Variants in PRR5 observed in about 807,000 individuals in gnomAD.
The protein encoded by PRR5 is proline-rich protein 5.
PRR5 carries 25 observed loss-of-function variants against 30.6 expected under a neutral mutation model. The ratio of observed to expected loss-of-function variants is 0.82; its 90% CI spans 0.60 to 1.14. PRR5 has a LOEUF of 1.14. Among genes scored for constraint, PRR5 ranks in the 50% most tolerant of loss-of-function variants. The probability of loss-of-function intolerance (pLI) is 0.00; values close to 1 mark genes in which losing one functional copy is unlikely to be tolerated. For missense variants in PRR5, 600 were observed against 547.1 expected (o/e 1.10, Z -0.96); for synonymous variants, 286 against 247.1 (o/e 1.16, Z -1.48).
intron 1 of PRR5, among the ~76,000 whole-genome samples, chr22:44,694,367 A>G (rs1234743015): frequency 1.3e-5 from 2 of 152,120 alleles, no homozygotes; most frequent in African/African-American, 2.4e-5. Flanking sequence ...GTGAAACCCC[A>G]TCTCTACTAA....
intron 2 of PRR5, among the ~76,000 whole-genome samples, chr22:44,718,194 T>C (rs867567917): frequency 2.2e-5 from 3 of 136,400 alleles, no homozygotes; most frequent in African/African-American, 5.6e-5. Flanking sequence ...TCATCTCTCT[T>C]TTTTTTTTTT....
At chr22:44,726,492 T>G in intron 3 of PRR5, 85 bp from the exon 4 acceptor site, 1 of 1,599,310 alleles carries the variant, frequency 6.3e-7, no homozygotes, top group Non-Finnish European at 8.5e-7. Context: ...TGCTCACTGG[T>G]GGATGGACTC....
Position 44,729,414 on chromosome 22 carries a change from A to G in PRR5, c.323-2316A>G, listed in dbSNP as rs1002883429. Reference sequence around the variant, plus strand: ...CAGAGTGGGAGCCAGCACGGAGCCAAGGCTACTGCGGGGCCGCTCGCCTGC... The same window carrying G: ...CAGAGTGGGAGCCAGCACGGAGCCAGGGCTACTGCGGGGCCGCTCGCCTGC... On this transcript the variant is annotated intron_variant, in intron 4 of 7. Transcript: ENST00000336985. 5 of 985,030 alleles carry G rather than the reference A, an allele frequency of 5.1e-6. No homozygotes were observed. The African/African-American group carries it at 8.7e-5, about 17-fold the overall frequency. The allele number at this position is 985,030 out of a possible 1,614,324, so 61.0% of individuals were successfully genotyped here.
chr22:44,735,927 G>T (rs940599091), intron 7 of PRR5, among the ~76,000 whole-genome samples: 2 of 152,248 alleles, frequency 1.3e-5, no homozygotes, highest in South Asian at 2.1e-4. Context: ...CCCAGGCTTG[G>T]TGTAGCCCTG....
intron 1 of PRR5, among the ~76,000 whole-genome samples, chr22:44,711,041 A>G (rs1403436919): frequency 6.6e-6 from 1 of 151,660 alleles, no homozygotes; most frequent in Non-Finnish European, 1.5e-5. Context: ...TTCAGAGTCC[A>G]CAGAGGGAGC....
intron 1 of PRR5, among the ~76,000 whole-genome samples, chr22:44,669,020 G>T (rs1923261946): frequency 1.3e-5 from 2 of 151,650 alleles, no homozygotes; most frequent in African/African-American, 4.8e-5. Context: ...CTGCGGGGCA[G>T]GGGCGGCCCC....
Position 44,726,613 on chromosome 22 carries a change from G to A in PRR5, c.301G>A (p.Asp101Asn), listed in dbSNP as rs1228015353. ...GACAAAAGGCATGGTGATCCTTCGG[G>A]ACAAGATTCGCTTCTATGAGGGTGA... ...LLTKGMVILR[D>N]KIRFYEGQKL... The change falls in exon 4 of 8, where the codon GAC (aspartate) becomes AAC (asparagine). Residue 101 changes from aspartate (D) to asparagine (N), a missense_variant. By Grantham distance (23) the Asp-to-Asn change is conservative. Coordinates refer to ENST00000336985, the MANE Select transcript of PRR5 (RefSeq NM_181333.4). 1 of 1,614,128 alleles carries A rather than the reference G, an allele frequency of 6.2e-7. No individual in the cohort carries two copies. Among genetic ancestry groups the A allele is most frequent in the Non-Finnish European group, 8.5e-7 (1 of 1,180,036 alleles).
chr22:44,672,805 G>A (rs1371718620), upstream of PRR5, among the ~76,000 whole-genome samples: 1 of 152,188 alleles, frequency 6.6e-6, no homozygotes, highest in African/African-American at 2.4e-5. Flanking sequence ...CCACGAGGTG[G>A]GCGTGGCCCT....
chr22:44,720,776 G>T (rs1929810953), intron 2 of PRR5, among the ~76,000 whole-genome samples: 1 of 152,180 alleles, frequency 6.6e-6, no homozygotes. Context: ...GGGATGCTCA[G>T]CCAGTGATGC....
chr22:44,670,626 G>A (rs1287213924), intron 1 of PRR5, among the ~76,000 whole-genome samples: 1 of 152,244 alleles, frequency 6.6e-6, no homozygotes, highest in Admixed American at 6.5e-5. Context: ...TGGCGATGGG[G>A]ATACTTGCAT....
intron 1 of PRR5, among the ~76,000 whole-genome samples, chr22:44,669,017 G>A (rs1382107410): frequency 3.3e-5 from 5 of 151,568 alleles, no homozygotes; most frequent in South Asian, 2.1e-4. Flanking sequence ...AATCTGCGGG[G>A]CAGGGGCGGC....
At chr22:44,730,596 C>T (rs1480989858) in intron 4 of PRR5, 18 of 992,252 alleles carry the variant, frequency 1.8e-5, no homozygotes, top group Admixed American at 6.1e-5. Context: ...CTGCTACCTA[C>T]GTATCTGTTT....
intron 7 of PRR5, 95 bp from the exon 8 acceptor site, chr22:44,736,677 C>T: frequency 2.0e-6 from 3 of 1,481,696 alleles, no homozygotes; most frequent in Non-Finnish European, 2.7e-6. Flanking sequence ...GCAGCTGCCC[C>T]TGCACAGGGA....
chr22:44,718,010 C>A (rs996517960), intron 2 of PRR5, among the ~76,000 whole-genome samples: 20 of 151,836 alleles, frequency 1.3e-4, no homozygotes, highest in African/African-American at 4.6e-4. Flanking sequence ...CCGTTGCACC[C>A]AGCCTGCCTG....
At chr22:44,719,427 C>T (rs958321277) in intron 2 of PRR5, among the ~76,000 whole-genome samples, 11 of 152,274 alleles carry the variant, frequency 7.2e-5, no homozygotes, top group Admixed American at 3.3e-4. Flanking sequence ...CAGAGGGCTG[C>T]GGATTTAAGG....
At chr22:44,721,189 T>G (rs1019542938) in intron 2 of PRR5, among the ~76,000 whole-genome samples, 1 of 151,982 alleles carries the variant, frequency 6.6e-6, no homozygotes, top group Non-Finnish European at 1.5e-5. Context: ...AAGGAAAGAA[T>G]TAAGGAACAA....
chr22:44,675,762 G>GTTATTATTATTA (rs150864660), upstream of PRR5, among the ~76,000 whole-genome samples: 2,565 of 142,928 alleles, frequency 0.018, 51 homozygotes, highest in East Asian at 0.064. Flanking sequence ...TGTTGCTGTT[G>GTTATTATTATTA]TTATTATTAT....
intron 1 of PRR5, among the ~76,000 whole-genome samples, chr22:44,680,364 C>T (rs887186139): frequency 1.3e-5 from 2 of 152,170 alleles, no homozygotes; most frequent in African/African-American, 2.4e-5. Context: ...GTCCCTCCCC[C>T]ACCCTAAAGT....
chr22:44,693,242 T>C (rs1925439046), intron 1 of PRR5, among the ~76,000 whole-genome samples: 1 of 152,134 alleles, frequency 6.6e-6, no homozygotes, highest in Non-Finnish European at 1.5e-5. Flanking sequence ...GGTGGTTGGG[T>C]TGCTTGATCC....
Sources: gnomAD v4.1 joint callset for allele counts (sites outside exome capture counted in the v4.1 genomes callset) on GRCh38, gnomAD v4.1.1 for gene constraint, MANE v1.5 for transcripts, NCBI Gene and HGNC (gene_info 2026-07-23, HGNC 2026-07-21) for gene names.